Variants in BARD1 observed in about 807,000 individuals in gnomAD.
BARD1 encodes BRCA1-associated RING domain protein 1.
In BARD1, 73 loss-of-function variants were observed where a neutral mutation model predicts 77.0. That is an observed-to-expected ratio of 0.95 (90% CI 0.79 to 1.15). The LOEUF (loss-of-function observed/expected upper bound fraction) is 1.15. Among genes scored for constraint, BARD1 ranks in the 50% most tolerant of loss-of-function variants. The probability of loss-of-function intolerance (pLI) is 0.00; values close to 1 mark genes in which losing one functional copy is unlikely to be tolerated. For missense variants in BARD1, 993 were observed against 938.8 expected (o/e 1.06, Z -0.75); for synonymous variants, 384 against 338.0 (o/e 1.14, Z -1.49).
chr2:214,805,845 G>A (rs756086145), intron 1 of BARD1, among the ~76,000 whole-genome samples: 3 of 151,912 alleles, frequency 2.0e-5, no homozygotes, highest in Non-Finnish European at 2.9e-5. Context: ...AAAGGCCCAC[G>A]TTACAATTGT....
rs1259296823 is a variant in BARD1, at chr2:214,728,780, T to TA, written c.2229dup (p.Asn744Ter). ...TGCCGAACCCTCTCTGGGTGATAAT[T>TA]ACACAAATCTTCATAGATGATATAC... On this transcript the variant is annotated frameshift_variant, in exon 11 of 11. Transcript: ENST00000260947. LOFTEE classifies it high-confidence loss of function. 1 of 1,614,178 alleles carries TA rather than the reference T, an allele frequency of 6.2e-7. No homozygotes were observed. Among genetic ancestry groups the TA allele is most frequent in the Admixed American group, 1.7e-5 (1 of 60,026 alleles).
At chr2:214,745,597 A>G (rs1406408642) in intron 8 of BARD1, 125 bp downstream of exon 8, 3 of 1,204,442 alleles carry the variant, frequency 2.5e-6, no homozygotes, top group Non-Finnish European at 3.6e-6. Context: ...ATGTATTACA[A>G]GATGCAAAGT....
Position 214,737,292 on chromosome 2 carries a change from G to A in BARD1, c.1904-6784C>T, listed in dbSNP as rs150969798. Among the ~76,000 whole-genome samples the A allele has an allele frequency of 3.8e-4, 58 of 152,178 alleles. 1 individual carries two copies. In the Middle Eastern group the frequency reaches 0.01, roughly 27 times the overall value. The stretch of plus-strand genomic sequence containing the variant: ...CAGCCCTCAGAGTCCTCAGCCTGCC[G>A]ATTTGAAACTTTTGATGCTTTGTCT... On this transcript the variant is annotated intron_variant, in intron 9 of 10. Coordinates refer to ENST00000260947, the MANE Select transcript of BARD1 (RefSeq NM_000465.4).
chr2:214,775,519 T>C (rs868445667), intron 4 of BARD1, among the ~76,000 whole-genome samples: 4 of 152,124 alleles, frequency 2.6e-5, no homozygotes, highest in African/African-American at 7.2e-5. Context: ...CCGTAACAGA[T>C]ACAACAATAG....
At chr2:214,743,022 A>G (rs1322188781) in intron 9 of BARD1, among the ~76,000 whole-genome samples, 1 of 152,248 alleles carries the variant, frequency 6.6e-6, no homozygotes, top group East Asian at 1.9e-4. Context: ...AAACTAAGTG[A>G]GACAAATTAG....
chr2:214,802,831 T>C (rs1428848851), intron 1 of BARD1, among the ~76,000 whole-genome samples: 2 of 152,212 alleles, frequency 1.3e-5, no homozygotes, highest in East Asian at 3.8e-4. Context: ...GCTACTCTAC[T>C]TTTTCCCCAT....
intron 3 of BARD1, among the ~76,000 whole-genome samples, chr2:214,791,516 A>G (rs563059442): frequency 6.6e-6 from 1 of 152,346 alleles, no homozygotes; most frequent in African/African-American, 2.4e-5. Context: ...TCCAATTATG[A>G]AGATACAAAA....
At chr2:214,770,480 C>G (rs1017317066) in intron 4 of BARD1, among the ~76,000 whole-genome samples, 21 of 152,286 alleles carry the variant, frequency 1.4e-4, no homozygotes, top group African/African-American at 4.8e-4. Context: ...ATCACAACCT[C>G]TTTTTAAATC....
At chr2:214,783,330 G>C (rs954168496) in intron 3 of BARD1, among the ~76,000 whole-genome samples, 4 of 152,120 alleles carry the variant, frequency 2.6e-5, no homozygotes, top group African/African-American at 9.7e-5. Flanking sequence ...ACGGAAGAAA[G>C]TGATTTTTAA....
At chr2:214,764,830 A>G (rs1429397451) in intron 6 of BARD1, among the ~76,000 whole-genome samples, 1 of 152,186 alleles carries the variant, frequency 6.6e-6, no homozygotes, top group African/African-American at 2.4e-5. Flanking sequence ...AACAACAATG[A>G]CTACGACATG....
intron 6 of BARD1, among the ~76,000 whole-genome samples, chr2:214,765,741 C>T (rs1345902927): frequency 1.3e-5 from 2 of 152,028 alleles, no homozygotes; most frequent in East Asian, 1.9e-4. Flanking sequence ...CACACAAACA[C>T]GCACGTGTGT....
At chr2:214,749,928 A>G (rs571625518) in intron 7 of BARD1, among the ~76,000 whole-genome samples, 1 of 152,206 alleles carries the variant, frequency 6.6e-6, no homozygotes, top group Admixed American at 6.5e-5. Flanking sequence ...TTTGGAACAG[A>G]TTTATAAGGC....
Position 214,792,463 on chromosome 2 carries a change from A to AC in BARD1, c.216-19_216-18insG, listed in dbSNP as rs1553624868. 6.5e-7 allele frequency: 1 copy of AC among 1,539,644 alleles called. No homozygotes were observed. Among genetic ancestry groups the AC allele is most frequent in the Non-Finnish European group, 8.7e-7 (1 of 1,149,054 alleles). On this transcript the variant is annotated intron_variant, in intron 2 of 10. Transcript: ENST00000260947. ...CACAATTACTTTAAAATAATTAAAA[A>AC]AAAAAAAAAAAGCAACCCATTCAGC... is the stretch of plus-strand genomic sequence containing the variant.
At chr2:214,735,892 T>C (rs1166401618) in intron 9 of BARD1, among the ~76,000 whole-genome samples, 1 of 152,058 alleles carries the variant, frequency 6.6e-6, no homozygotes, top group Non-Finnish European at 1.5e-5. Flanking sequence ...CAAATTCAAA[T>C]TCAACACTCA....
At chr2:214,738,542 A>G (rs1692666767) in intron 9 of BARD1, among the ~76,000 whole-genome samples, 1 of 152,178 alleles carries the variant, frequency 6.6e-6, no homozygotes, top group Non-Finnish European at 1.5e-5. Flanking sequence ...AAGCATATAC[A>G]TCAGTAGATG....
chr2:214,736,828 T>C (rs1305224234), intron 9 of BARD1, among the ~76,000 whole-genome samples: 3 of 152,178 alleles, frequency 2.0e-5, no homozygotes, highest in African/African-American at 7.2e-5. Context: ...AGTAAGTTTC[T>C]GTAAAGTAAA....
At chr2:214,781,555 C>T in intron 3 of BARD1, 46 bp from the exon 4 acceptor site, 1 of 1,521,262 alleles carries the variant, frequency 6.6e-7, no homozygotes, top group Non-Finnish European at 9.0e-7. Context: ...AAATTTATTG[C>T]TCCCACATGG....
At chr2:214,782,739 G>A (rs946563682) in intron 3 of BARD1, among the ~76,000 whole-genome samples, 29 of 152,236 alleles carry the variant, frequency 1.9e-4, no homozygotes, top group African/African-American at 7.0e-4. Context: ...TGTAAATGAT[G>A]TAAAGGAAAC....
chr2:214,741,386 T>A (rs1207109620), intron 9 of BARD1, among the ~76,000 whole-genome samples: 1 of 152,268 alleles, frequency 6.6e-6, no homozygotes, highest in East Asian at 1.9e-4. Flanking sequence ...TACAAAAAAA[T>A]TTTGAAAGCA....
Sources: allele counts gnomAD v4.1 joint callset (sites outside exome capture counted in the v4.1 genomes callset), GRCh38; gene constraint gnomAD v4.1.1; transcripts MANE v1.5; gene names NCBI Gene and HGNC (gene_info 2026-07-23, HGNC 2026-07-21).